Variants in MAP3K7CL observed in about 807,000 individuals in gnomAD.
MAP3K7CL encodes the protein MAP3K7 C-terminal-like protein.
Under a neutral mutation model 18.6 loss-of-function variants are expected in MAP3K7CL, and 16 were observed. That is an observed-to-expected ratio of 0.86 (90% CI 0.58 to 1.31). The LOEUF (loss-of-function observed/expected upper bound fraction) is 1.31, where lower values mean the gene tolerates loss of function less well. Among genes scored for constraint, MAP3K7CL ranks in the 50% most tolerant of loss-of-function variants. The pLI is 0.00. For synonymous variants in MAP3K7CL, 65 were observed against 66.8 expected, an observed-to-expected ratio of 0.97 and a Z score of 0.13; for missense variants, 163 against 174.4, an observed-to-expected ratio of 0.93 and a Z score of 0.37.
At chr21:29,121,391 T>G (rs914028895) in intron 4 of MAP3K7CL, among the ~76,000 whole-genome samples, 6 of 152,112 alleles carry the variant, frequency 3.9e-5, no homozygotes, top group Non-Finnish European at 8.8e-5. Context: ...CTTTGGTAAA[T>G]CAATGTCTAA....
intron 4 of MAP3K7CL, among the ~76,000 whole-genome samples, chr21:29,097,505 C>G (rs2086144377): frequency 6.6e-6 from 1 of 151,950 alleles, no homozygotes; most frequent in African/African-American, 2.4e-5. Context: ...TTACGTCAAC[C>G]TTGATATACC....
intron 4 of MAP3K7CL, among the ~76,000 whole-genome samples, chr21:29,104,204 C>G (rs2086280817): frequency 6.6e-6 from 1 of 152,080 alleles, no homozygotes. Flanking sequence ...GTCCTTGGTC[C>G]CAGCAGCATC....
intron 1 of MAP3K7CL, chr21:29,085,935 C>T (rs769526026): frequency 1.2e-6 from 2 of 1,613,810 alleles, no homozygotes; most frequent in South Asian, 2.2e-5. Flanking sequence ...CGCCTTCCCC[C>T]AACCCCTTCC....
chr21:29,170,629 CTCTT>C (rs1029652116), intron 4 of MAP3K7CL, among the ~76,000 whole-genome samples: 31 of 151,406 alleles, frequency 2.0e-4, no homozygotes, highest in African/African-American at 6.8e-4. Flanking sequence ...ATGTCTCTCT[CTCTT>C]TCTCTTTTTT....
intron 3 of MAP3K7CL, chr21:29,092,381 G>C: frequency 1.3e-6 from 2 of 1,592,826 alleles, no homozygotes; most frequent in Non-Finnish European, 1.7e-6. Flanking sequence ...ACATCAAAAG[G>C]TCTGTGCGGG....
chr21:29,159,965 G>C lies in MAP3K7CL; in HGVS notation c.157G>C (p.Glu53Gln). 8 of 1,613,876 alleles carry C rather than the reference G, an allele frequency of 5.0e-6. No individual in the cohort carries two copies. The highest frequency in any genetic ancestry group is 6.8e-6 in the Non-Finnish European group (8 of 1,179,832). ...LQPLPPCHDS[E>Q]ESMEVFKQHC... The stretch of plus-strand genomic sequence containing the variant: ...GCCCCTGCCGCCTTGTCATGACTCC[G>C]AGGAATCCATGGAGGTGTTCAAACA... The change falls in exon 4 of 5, where the codon GAG (glutamate) becomes CAG (glutamine). Residue 53 changes from glutamate to glutamine, a missense_variant. By Grantham distance (29) the Glu-to-Gln change is conservative. Coordinates refer to ENST00000399928, the MANE Select transcript of MAP3K7CL (RefSeq NM_001286620.2).
chr21:29,128,782 A>G (rs1464991131), upstream of MAP3K7CL, among the ~76,000 whole-genome samples: 1 of 152,220 alleles, frequency 6.6e-6, no homozygotes, highest in Non-Finnish European at 1.5e-5. Flanking sequence ...CAATACTGAC[A>G]AAGACTATTG....
At chr21:29,142,282 G>A (rs1455620952) in intron 2 of MAP3K7CL, among the ~76,000 whole-genome samples, 2 of 152,148 alleles carry the variant, frequency 1.3e-5, no homozygotes, top group Non-Finnish European at 2.9e-5. Flanking sequence ...ACCTAGGCTT[G>A]TCTCAAACTC....
At chr21:29,128,948 T>G (rs962633640), upstream of MAP3K7CL, among the ~76,000 whole-genome samples, 3 of 152,234 alleles carry the variant, frequency 2.0e-5, no homozygotes, top group Non-Finnish European at 4.4e-5. Flanking sequence ...AATGTTTTAA[T>G]TGTCTGAGTC....
chr21:29,135,584 T>G (rs1352597041), intron 2 of MAP3K7CL, among the ~76,000 whole-genome samples: 1 of 152,220 alleles, frequency 6.6e-6, no homozygotes, highest in Non-Finnish European at 1.5e-5. Context: ...GAGGTGAATC[T>G]CCATCTTTGG....
intron 1 of MAP3K7CL, among the ~76,000 whole-genome samples, chr21:29,087,292 T>A (rs1239240773): frequency 6.6e-6 from 1 of 152,228 alleles, no homozygotes; most frequent in Non-Finnish European, 1.5e-5. Flanking sequence ...CTATTTTATT[T>A]TTATCCTAAA....
At chr21:29,172,195 AT>A (rs398121592) in intron 4 of MAP3K7CL, among the ~76,000 whole-genome samples, 7 of 131,752 alleles carry the variant, frequency 5.3e-5, no homozygotes, top group Non-Finnish European at 1.2e-4. Flanking sequence ...CTTCAAAACT[AT>A]TTTTTTTTCA....
At chr21:29,078,333 A>G (rs1462069621) in intron 1 of MAP3K7CL, among the ~76,000 whole-genome samples, 1 of 152,068 alleles carries the variant, frequency 6.6e-6, no homozygotes, top group Non-Finnish European at 1.5e-5. Flanking sequence ...TTCCTTTATA[A>G]ATTTAAATTT....
At position 29,133,315 on chromosome 21, in the gene MAP3K7CL, C is replaced by A; in HGVS notation, c.-30C>A. 6.5e-7 allele frequency: 1 copy of A among 1,550,092 alleles called. No individual in the cohort carries two copies. Among genetic ancestry groups the A allele is most frequent in the Middle Eastern group, 1.7e-4 (1 of 5,990 alleles). Reference sequence around the variant, plus strand: ...TCTCTTGCTGTCACAGCTGGAAGACCCAGGAGAAGGCGGAGGCTCAGGTGC... The same window carrying A: ...TCTCTTGCTGTCACAGCTGGAAGACACAGGAGAAGGCGGAGGCTCAGGTGC... On this transcript the variant is annotated 5_prime_UTR_variant, in exon 2 of 5. Transcript: ENST00000399928.
chr21:29,111,133 G>C (rs2086412754), intron 4 of MAP3K7CL, among the ~76,000 whole-genome samples: 1 of 152,102 alleles, frequency 6.6e-6, no homozygotes, highest in South Asian at 2.1e-4. Context: ...GTGAGTGCCT[G>C]TAGTCCCAGC....
At chr21:29,087,044 C>T (rs536244032) in intron 1 of MAP3K7CL, among the ~76,000 whole-genome samples, 2 of 152,206 alleles carry the variant, frequency 1.3e-5, no homozygotes, top group Non-Finnish European at 2.9e-5. Flanking sequence ...TGTCCTGCGT[C>T]TTTTCCACTT....
At chr21:29,145,861 A>C (rs1020565284) in intron 2 of MAP3K7CL, among the ~76,000 whole-genome samples, 1 of 152,024 alleles carries the variant, frequency 6.6e-6, no homozygotes, top group South Asian at 2.1e-4. Flanking sequence ...TACGTTAATC[A>C]ATTAGACTTT....
At chr21:29,166,555 C>G (rs1233823736) in intron 4 of MAP3K7CL, among the ~76,000 whole-genome samples, 3 of 152,198 alleles carry the variant, frequency 2.0e-5, no homozygotes, top group African/African-American at 7.2e-5. Flanking sequence ...GGCAGTTACG[C>G]CCCACTGACC....
chr21:29,111,941 ACT>A (rs1347579633), intron 4 of MAP3K7CL, among the ~76,000 whole-genome samples: 2 of 152,090 alleles, frequency 1.3e-5, no homozygotes, highest in Non-Finnish European at 2.9e-5. Context: ...CCAAACCCAG[ACT>A]TTGTATTGCC....
Sources: gnomAD v4.1 joint callset for allele counts (sites outside exome capture counted in the v4.1 genomes callset) on GRCh38, gnomAD v4.1.1 for gene constraint, MANE v1.5 for transcripts, NCBI Gene and HGNC (gene_info 2026-07-23, HGNC 2026-07-21) for gene names.